Variants in ARPP21 observed in about 807,000 individuals in gnomAD.
ARPP21 encodes cAMP regulated phosphoprotein 21, also known as cAMP-regulated phosphoprotein 21.
Under a neutral mutation model 113.2 loss-of-function variants are expected in ARPP21, and 69 were observed. The ratio of observed to expected loss-of-function variants is 0.61; its 90% CI spans 0.50 to 0.74. ARPP21 has a LOEUF of 0.74. Among genes scored for constraint, ARPP21 ranks in the 30% least tolerant of loss-of-function variants. The pLI is 0.00. For synonymous variants in ARPP21, 368 were observed against 375.5 expected (o/e 0.98, Z 0.23); for missense variants, 1,070 against 1,037.4 (o/e 1.03, Z -0.43).
intron 9 of ARPP21, among the ~76,000 whole-genome samples, chr3:35,697,841 T>C (rs1440656352): frequency 6.6e-6 from 1 of 151,724 alleles, no homozygotes; most frequent in Non-Finnish European, 1.5e-5. Context: ...GTGTTTATTA[T>C]ATTTATCTTC....
At chr3:35,652,314 T>C (rs943932481) in intron 1 of ARPP21, among the ~76,000 whole-genome samples, 5 of 152,072 alleles carry the variant, frequency 3.3e-5, no homozygotes, top group African/African-American at 9.7e-5. Flanking sequence ...ACAGTAAACT[T>C]GTGACTTGTT....
At chr3:35,774,846 A>G (rs2096307802) in intron 19 of ARPP21, 1 of 152,154 alleles carries the variant, frequency 6.6e-6, no homozygotes. Flanking sequence ...ACTTTTATCA[A>G]ATCTTTGATG....
At chr3:35,792,651 T>C in intron 20 of ARPP21, 121 bp downstream of exon 20, 1 of 793,044 alleles carries the variant, frequency 1.3e-6, no homozygotes, top group Non-Finnish European at 2.1e-6. Flanking sequence ...CCATAACTGT[T>C]GATAATTTAC....
At chr3:35,771,340 T>A (rs2096193935) in intron 19 of ARPP21, among the ~76,000 whole-genome samples, 1 of 152,064 alleles carries the variant, frequency 6.6e-6, no homozygotes, top group Admixed American at 6.6e-5. Flanking sequence ...ATTGTTTTTT[T>A]TTTTTTAAGA....
chr3:35,739,514 C>T lies in ARPP21; in HGVS notation c.1947C>T (p.Ser649=), dbSNP rs768430335. ...TCTCAGGCTCTGGCCCTCCCATCTC[C>T]CAGCAGGTCCTCCAGCCCCCTCCCT... ...GGFSGSGPPI[S]QQVLQPPPSP... is the part of the protein sequence containing the mutation. The change falls in exon 18 of 21, where the codon TCC becomes TCT. Residue 649 remains serine, a synonymous_variant. Coordinates refer to ENST00000684406, the MANE Select transcript of ARPP21 (RefSeq NM_001385562.1). The T allele has an allele frequency of 5.0e-6, 8 of 1,614,044 alleles. No homozygotes were observed. In the East Asian group the frequency reaches 1.8e-4, roughly 36 times the overall value.
intron 19 of ARPP21, chr3:35,744,465 C>T (rs559313700): frequency 7.6e-6 from 4 of 527,356 alleles, no homozygotes; most frequent in Admixed American, 2.0e-5. Flanking sequence ...TGCCCAGAGC[C>T]CGGCAGCCAC....
At chr3:35,705,821 TG>T (rs1043208311) in intron 9 of ARPP21, among the ~76,000 whole-genome samples, 19 of 152,360 alleles carry the variant, frequency 1.2e-4, no homozygotes, top group Admixed American at 1.1e-3. Flanking sequence ...TCCAGTTTTT[TG>T]CTATTGTCTG....
At chr3:35,793,509 C>T (rs1255909792) in intron 20 of ARPP21, among the ~76,000 whole-genome samples, 192 bp from the exon 21 acceptor site, 2 of 152,190 alleles carry the variant, frequency 1.3e-5, no homozygotes, top group African/African-American at 4.8e-5. Flanking sequence ...ATGTCATTAT[C>T]GCAATGGACT....
At position 35,676,441 on chromosome 3, in the gene ARPP21, T is replaced by G. The variant is rs1052977439; in HGVS notation, c.-212-3346T>G. On this transcript the variant is annotated intron_variant, in intron 1 of 20. Transcript: ENST00000684406. ...TTAAACAAGGATGTTCATTAAAACA[T>G]TTATATTCCCTGAAATCTTAACCAG... 2.6e-5 allele frequency among the ~76,000 whole-genome samples: 4 copies of G among 152,056 alleles called. No individual in the cohort carries two copies. In the South Asian group the frequency reaches 8.3e-4, roughly 31 times the overall value.
chr3:35,708,271 A>T (rs1258886301), intron 10 of ARPP21, among the ~76,000 whole-genome samples: 1 of 152,184 alleles, frequency 6.6e-6, no homozygotes, highest in Non-Finnish European at 1.5e-5. Flanking sequence ...TGCAGGAAGT[A>T]GTCAGAAAAT....
chr3:35,753,861 G>A (rs1391457859), intron 19 of ARPP21, among the ~76,000 whole-genome samples: 2 of 151,868 alleles, frequency 1.3e-5, no homozygotes, highest in Non-Finnish European at 2.9e-5. Flanking sequence ...GTACCTTAAT[G>A]GAATTTACAA....
At chr3:35,692,113 A>G (rs1200954987) in intron 9 of ARPP21, among the ~76,000 whole-genome samples, 1 of 151,496 alleles carries the variant, frequency 6.6e-6, no homozygotes, top group African/African-American at 2.4e-5. Context: ...GACAATGAGC[A>G]CTCCACTTCT....
intron 1 of ARPP21, among the ~76,000 whole-genome samples, chr3:35,669,236 C>G (rs1336091978): frequency 6.6e-6 from 1 of 151,958 alleles, no homozygotes; most frequent in South Asian, 2.1e-4. Flanking sequence ...AAATATTAGG[C>G]CTTAGACTTT....
chr3:35,650,443 T>C (rs1701945483), intron 1 of ARPP21: 1 of 152,110 alleles, frequency 6.6e-6, no homozygotes, highest in East Asian at 1.9e-4. Context: ...AATTGAGTAA[T>C]TGAGAGTTTC....
chr3:35,647,567 T>G (rs1388258819), intron 1 of ARPP21, among the ~76,000 whole-genome samples: 1 of 152,036 alleles, frequency 6.6e-6, no homozygotes, highest in African/African-American at 2.4e-5. Flanking sequence ...TGCACAAAAT[T>G]AGGATTAAAA....
chr3:35,665,216 C>T (rs1352839037), intron 1 of ARPP21, among the ~76,000 whole-genome samples: 3 of 151,980 alleles, frequency 2.0e-5, no homozygotes, highest in Admixed American at 2.0e-4. Context: ...AGAAGAAGAA[C>T]AGAGTCTTAG....
At chr3:35,677,774 A>G (rs1482243137) in intron 1 of ARPP21, among the ~76,000 whole-genome samples, 6 of 152,000 alleles carry the variant, frequency 3.9e-5, no homozygotes, top group Admixed American at 2.0e-4. Context: ...ATTTACAAAA[A>G]TGAAAGAAAT....
intron 18 of ARPP21, among the ~76,000 whole-genome samples, chr3:35,741,120 G>A (rs952283944): frequency 6.6e-6 from 1 of 152,082 alleles, no homozygotes; most frequent in Non-Finnish European, 1.5e-5. Context: ...AAATAAATGA[G>A]TAAATAAGTA....
intron 14 of ARPP21, among the ~76,000 whole-genome samples, chr3:35,728,702 G>A (rs2093728944): frequency 6.6e-6 from 1 of 151,918 alleles, no homozygotes; most frequent in Non-Finnish European, 1.5e-5. Context: ...TCCTTAAAAG[G>A]GATCCTATTT....
Sources: gnomAD v4.1 joint callset for allele counts (sites outside exome capture counted in the v4.1 genomes callset) on GRCh38, gnomAD v4.1.1 for gene constraint, MANE v1.5 for transcripts, NCBI Gene and HGNC (gene_info 2026-07-23, HGNC 2026-07-21) for gene names.